Variants in TJP1 observed in about 807,000 individuals in gnomAD.
The protein encoded by TJP1 is tight junction protein ZO-1.
A neutral mutation model predicts 194.2 loss-of-function variants in TJP1; 43 were observed. That is an observed-to-expected ratio of 0.22 (90% CI 0.17 to 0.29). The LOEUF is 0.29. Among genes scored for constraint, TJP1 ranks in the 10% least tolerant of loss-of-function variants. The probability of loss-of-function intolerance (pLI) is 1.00; values close to 1 mark genes in which losing one functional copy is unlikely to be tolerated. For missense variants in TJP1, 1,971 were observed against 2,185.7 expected, an observed-to-expected ratio of 0.90 and a Z score of 1.96; for synonymous variants, 801 against 779.0, an observed-to-expected ratio of 1.03 and a Z score of -0.47.
intron 2 of TJP1, among the ~76,000 whole-genome samples, chr15:29,833,690 G>C (rs372537505): frequency 1.3e-5 from 2 of 151,068 alleles, no homozygotes; most frequent in Non-Finnish European, 2.9e-5. Flanking sequence ...CACCACACCC[G>C]GCCTACTTGG....
intron 25 of TJP1, among the ~76,000 whole-genome samples, chr15:29,707,875 A>T (rs530465953): frequency 6.6e-6 from 1 of 152,278 alleles, no homozygotes; most frequent in East Asian, 1.9e-4. Flanking sequence ...GTAGGTCAGG[A>T]GGTTACAAAA....
At chr15:29,957,467 TTATA>T (rs1459222026) in intron 1 of TJP1, among the ~76,000 whole-genome samples, 1 of 151,302 alleles carries the variant, frequency 6.6e-6, no homozygotes, top group Non-Finnish European at 1.5e-5. Flanking sequence ...ATGCTCATGC[TTATA>T]TACAGATGTG....
At chr15:29,762,083 GT>G (rs1281338144) in intron 6 of TJP1, among the ~76,000 whole-genome samples, 2 of 152,154 alleles carry the variant, frequency 1.3e-5, no homozygotes, top group Non-Finnish European at 2.9e-5. Flanking sequence ...ACTTTTTAAT[GT>G]GTAAGAACAG....
At chr15:29,953,212 G>A (rs1596319865) in intron 2 of TJP1, among the ~76,000 whole-genome samples, 1 of 135,920 alleles carries the variant, frequency 7.4e-6, no homozygotes, top group East Asian at 2.6e-4. Context: ...CACCATCTTG[G>A]CTCACTGCAA....
chr15:29,877,640 CTCTT>C (rs746293008), intron 2 of TJP1, among the ~76,000 whole-genome samples: 23 of 148,222 alleles, frequency 1.6e-4, no homozygotes, highest in South Asian at 6.4e-4. Flanking sequence ...CTTTCTTCTT[CTCTT>C]TCTTTCTTTG....
intron 4 of TJP1, among the ~76,000 whole-genome samples, chr15:29,770,216 G>A (rs962211866): frequency 1.3e-5 from 2 of 152,150 alleles, no homozygotes; most frequent in African/African-American, 4.8e-5. Flanking sequence ...GGAGGCGGAG[G>A]CAGGCAGATC....
At chr15:29,952,048 A>T (rs1352076559) in intron 2 of TJP1, among the ~76,000 whole-genome samples, 2 of 152,234 alleles carry the variant, frequency 1.3e-5, no homozygotes, top group Non-Finnish European at 2.9e-5. Context: ...CACCAGAGTG[A>T]AATGGAACAG....
chr15:29,727,274 G>T (rs565971995), intron 16 of TJP1, among the ~76,000 whole-genome samples: 5 of 151,466 alleles, frequency 3.3e-5, no homozygotes, highest in African/African-American at 1.2e-4. Context: ...AACCTGAGAG[G>T]TAGAGGCTAC....
intron 27 of TJP1, among the ~76,000 whole-genome samples, chr15:29,702,518 C>T (rs1451555985): frequency 6.6e-6 from 1 of 152,158 alleles, no homozygotes; most frequent in Admixed American, 6.5e-5. Flanking sequence ...AATGACCCTG[C>T]CCCTGATGGG....
At chr15:29,771,367 G>A (rs1731010516) in intron 4 of TJP1, among the ~76,000 whole-genome samples, 1 of 152,132 alleles carries the variant, frequency 6.6e-6, no homozygotes, top group Non-Finnish European at 1.5e-5. Flanking sequence ...GTAACTATGT[G>A]TGTATCTAAA....
intron 1 of TJP1, among the ~76,000 whole-genome samples, chr15:29,963,259 C>T (rs549682331): frequency 2.1e-4 from 32 of 152,258 alleles, no homozygotes; most frequent in Non-Finnish European, 4.1e-4. Flanking sequence ...AACCTTCTAT[C>T]GGGCAATTAC....
intron 2 of TJP1, among the ~76,000 whole-genome samples, chr15:29,846,677 G>T (rs1456984765): frequency 3.9e-5 from 6 of 152,148 alleles, no homozygotes; most frequent in South Asian, 4.1e-4. Context: ...TGTAATCCCA[G>T]CACTTTGGGA....
chr15:29,921,674 A>G (rs192229071), intron 2 of TJP1, among the ~76,000 whole-genome samples: 33 of 152,190 alleles, frequency 2.2e-4, no homozygotes, highest in African/African-American at 7.7e-4. Context: ...GTTTACTCTC[A>G]TTTTGATGGA....
intron 1 of TJP1, among the ~76,000 whole-genome samples, chr15:29,818,024 C>T (rs2050054634): frequency 6.6e-6 from 1 of 151,252 alleles, no homozygotes; most frequent in Admixed American, 6.6e-5. Context: ...AAAAAAAAAG[C>T]CCACTGTGCT....
chr15:29,760,095 G>T (rs1033997568), intron 8 of TJP1: 3 of 610,228 alleles, frequency 4.9e-6, no homozygotes, highest in Non-Finnish European at 8.8e-6. Context: ...AACGTATAAG[G>T]GTTCCCTTTT....
At chr15:29,776,555 T>C (rs371464503) in intron 2 of TJP1, among the ~76,000 whole-genome samples, 110 of 152,350 alleles carry the variant, frequency 7.2e-4, no homozygotes, top group African/African-American at 2.5e-3. Context: ...AGTAACAATG[T>C]ACAGTTTGAA....
At position 29,704,217 on chromosome 15, in the gene TJP1, C is replaced by T. The variant is rs781101609; in HGVS notation, c.5157G>A (p.Ala1719=). 50 of 1,589,072 alleles carry T rather than the reference C, an allele frequency of 3.1e-5. No individual in the cohort carries two copies. The highest frequency in any genetic ancestry group is 2.3e-4 in the Admixed American group (13 of 55,716). The change falls in exon 27 of 28, where the codon GCG becomes GCA. Residue 1719 remains alanine, a synonymous_variant. Coordinates refer to ENST00000614355, the MANE Select transcript of TJP1 (RefSeq NM_001330239.4). Reference sequence around the variant, plus strand: ...AAGACCAACCGTCAGGAGTCATGGACGCACAGTGTGGTAAGCGCAGCTCCA... The same window carrying T: ...AAGACCAACCGTCAGGAGTCATGGATGCACAGTGTGGTAAGCGCAGCTCCA... The part of the protein sequence containing the change: ...KPVELRLPHC[A]SMTPDGWSFA...
chr15:29,740,776 G>A (rs1363042947), intron 10 of TJP1, among the ~76,000 whole-genome samples: 1 of 152,030 alleles, frequency 6.6e-6, no homozygotes, highest in African/African-American at 2.4e-5. Context: ...TTACTTTTGG[G>A]TTGCTAACTA....
chr15:29,725,781 C>T (rs535849556), intron 18 of TJP1, among the ~76,000 whole-genome samples: 1 of 152,286 alleles, frequency 6.6e-6, no homozygotes, highest in African/African-American at 2.4e-5. Context: ...CAATATCTCC[C>T]AGTATGTTGT....
Sources: gnomAD v4.1 joint callset for allele counts (sites outside exome capture counted in the v4.1 genomes callset) on GRCh38, gnomAD v4.1.1 for gene constraint, MANE v1.5 for transcripts, NCBI Gene and HGNC (gene_info 2026-07-23, HGNC 2026-07-21) for gene names.